CSMD3: variants seen among roughly 807,000 people sequenced by gnomAD.
The protein encoded by CSMD3 is CUB and sushi domain-containing protein 3.
In CSMD3, 177 loss-of-function variants were observed where a neutral mutation model predicts 435.2. That is an observed-to-expected ratio of 0.41 (90% CI 0.36 to 0.46). CSMD3 has a LOEUF of 0.46. Among genes scored for constraint, CSMD3 ranks in the 20% least tolerant of loss-of-function variants. The pLI, the probability that CSMD3 is intolerant of heterozygous loss-of-function variation, is 0.34. For synonymous variants in CSMD3, 1,656 were observed against 1,520.5 expected (o/e 1.09, Z -2.07); for missense variants, 4,265 against 4,504.6 (o/e 0.95, Z 1.52).
chr8:112,533,089 C>G (rs909645736), intron 27 of CSMD3, among the ~76,000 whole-genome samples: 1 of 151,756 alleles, frequency 6.6e-6, no homozygotes, highest in African/African-American at 2.4e-5. Flanking sequence ...GTAAGCCATA[C>G]AGTAATCACA....
chr8:112,979,241 T>C (rs2084959770), intron 6 of CSMD3, among the ~76,000 whole-genome samples: 1 of 151,924 alleles, frequency 6.6e-6, no homozygotes, highest in South Asian at 2.1e-4. Flanking sequence ...ATGTCATGCT[T>C]ACAGAAAGTA....
At chr8:113,111,245 T>C (rs988779097) in intron 4 of CSMD3, among the ~76,000 whole-genome samples, 1 of 152,178 alleles carries the variant, frequency 6.6e-6, no homozygotes, top group Non-Finnish European at 1.5e-5. Context: ...TGATTATATA[T>C]ATATTTATGG....
At chr8:113,093,554 G>A (rs1370345531) in intron 5 of CSMD3, among the ~76,000 whole-genome samples, 1 of 152,054 alleles carries the variant, frequency 6.6e-6, no homozygotes, top group East Asian at 1.9e-4. Context: ...GAGAAATGAT[G>A]GGTAAGCTAG....
At chr8:113,187,919 G>T (rs756253886) in intron 3 of CSMD3, among the ~76,000 whole-genome samples, 1 of 151,832 alleles carries the variant, frequency 6.6e-6, no homozygotes, top group Admixed American at 6.6e-5. Context: ...CTCTATTTCT[G>T]TCAAATATTC....
rs113240412 is a variant in CSMD3, at chr8:113,239,498, TTATCTATCTATCTATC to T, written c.514+39078_514+39093del. On this transcript the variant is annotated intron_variant, in intron 3 of 70. Transcript: ENST00000297405. ...TAAATTATATATGCAGTATGTAGTT[TTATCTATCTATCTATC>T]TATCTATCTATCTATCTATCATCTA... is the stretch of plus-strand genomic sequence containing the variant. Among the ~76,000 whole-genome samples the T allele has an allele frequency of 2.9e-3, 427 of 149,116 alleles. 1 individual carries two copies. The highest frequency in any genetic ancestry group is 4.7e-3 in the Non-Finnish European group (317 of 67,586).
At chr8:112,621,540 C>G (rs1433712113) in intron 22 of CSMD3, among the ~76,000 whole-genome samples, 4 of 152,112 alleles carry the variant, frequency 2.6e-5, no homozygotes, top group Non-Finnish European at 5.9e-5. Context: ...CTGCCTTTAT[C>G]AAGGTCACCA....
Position 112,306,156 on chromosome 8 carries a change from CCAT to C in CSMD3, c.7919_7921del (p.Asn2640_Gly2641delinsArg), listed in dbSNP as rs1255222223. ...CAAATAGTCTGTTGTTAGTATTCCT[CCAT>C]TTGTTGGAGCTTTAGGAATCCCACA... On this transcript the variant is annotated inframe_deletion, in exon 51 of 71. Transcript: ENST00000297405. The C allele has an allele frequency of 6.2e-7, 1 of 1,613,572 alleles. No homozygotes were observed. The highest frequency in any genetic ancestry group is 2.2e-5 in the East Asian group (1 of 44,822).
At chr8:112,426,607 C>T (rs1464121566) in intron 32 of CSMD3, among the ~76,000 whole-genome samples, 9 of 152,156 alleles carry the variant, frequency 5.9e-5, no homozygotes, top group Non-Finnish European at 1.3e-4. Context: ...GAAGACTCAG[C>T]TCTGGTGAGC....
At chr8:113,296,554 A>G (rs935324235) in intron 2 of CSMD3, among the ~76,000 whole-genome samples, 7 of 152,002 alleles carry the variant, frequency 4.6e-5, no homozygotes, top group Non-Finnish European at 1.0e-4. Context: ...AACAAACAAA[A>G]CAGAAAGAGA....
chr8:113,359,716 CTTAACA>C (rs1443072651), intron 1 of CSMD3, among the ~76,000 whole-genome samples: 1 of 152,126 alleles, frequency 6.6e-6, no homozygotes, highest in African/African-American at 2.4e-5. Flanking sequence ...AATTATTTGC[CTTAACA>C]TTAAAAGTTT....
chr8:112,284,789 A>G (rs1181802740), intron 58 of CSMD3, among the ~76,000 whole-genome samples: 1 of 151,978 alleles, frequency 6.6e-6, no homozygotes, highest in Non-Finnish European at 1.5e-5. Flanking sequence ...AATATTTATC[A>G]TTCTATTCAT....
rs181287778 is a variant in CSMD3, at chr8:112,714,363, T to C, written c.1973-24313A>G. 1.4e-3 allele frequency among the ~76,000 whole-genome samples: 212 copies of C among 152,084 alleles called. 1 individual carries two copies. The Middle Eastern group carries it at 0.027, about 20-fold the overall frequency. On this transcript the variant is annotated intron_variant, in intron 13 of 70. Coordinates refer to ENST00000297405, the MANE Select transcript of CSMD3 (RefSeq NM_198123.2). The stretch of plus-strand genomic sequence containing the variant: ...CATAATGGTAAAGGGATCAATTCAA[T>C]ATGAAGAGCTAACTATTCTAGATAT...
intron 7 of CSMD3, among the ~76,000 whole-genome samples, chr8:112,970,804 C>T (rs967805685): frequency 6.6e-6 from 1 of 151,620 alleles, no homozygotes; most frequent in African/African-American, 2.4e-5. Context: ...TCACTGCAAG[C>T]TCTGCCTCCT....
chr8:112,934,986 A>G (rs2083235499), intron 9 of CSMD3, among the ~76,000 whole-genome samples: 1 of 151,994 alleles, frequency 6.6e-6, no homozygotes, highest in Non-Finnish European at 1.5e-5. Context: ...GCCCAGACCA[A>G]TGTCAGGAAG....
At position 112,380,505 on chromosome 8, in the gene CSMD3, A is replaced by G. The variant is rs1448869263; in HGVS notation, c.6032-49T>C. On this transcript the variant is annotated intron_variant, in intron 37 of 70. Coordinates refer to ENST00000297405, the MANE Select transcript of CSMD3 (RefSeq NM_198123.2). ...AGACAATGACCACATAATAAGTACT[A>G]TAATAAAATTAAGTAAGTTTACTAA... 5 of 930,606 alleles carry G rather than the reference A, an allele frequency of 5.4e-6. No homozygotes were observed. The Admixed American group carries it at 8.5e-5, about 16-fold the overall frequency. The allele number at this position is 930,606 out of a possible 1,614,324, so 57.6% of individuals were successfully genotyped here. A position where few individuals can be genotyped will look rare whatever the true frequency, so the allele number is the denominator to read the frequency against.
intron 13 of CSMD3, among the ~76,000 whole-genome samples, chr8:112,728,167 G>A (rs116483032): frequency 1.5e-3 from 231 of 151,922 alleles, no homozygotes; most frequent in African/African-American, 5.3e-3. Flanking sequence ...CCTTCATTAA[G>A]ATTAGATAAA....
intron 59 of CSMD3, among the ~76,000 whole-genome samples, chr8:112,276,655 T>A (rs990685595): frequency 1.3e-5 from 2 of 151,750 alleles, no homozygotes; most frequent in African/African-American, 4.8e-5. Context: ...GCTAAAGGGG[T>A]CAAGGTACAG....
chr8:113,276,444 G>A (rs2093571101), intron 3 of CSMD3, among the ~76,000 whole-genome samples: 1 of 152,054 alleles, frequency 6.6e-6, no homozygotes, highest in Admixed American at 6.6e-5. Context: ...TAAGGTATGA[G>A]GCCTCTACGT....
chr8:112,575,016 T>C (rs1829829714), intron 23 of CSMD3, among the ~76,000 whole-genome samples: 1 of 152,000 alleles, frequency 6.6e-6, no homozygotes, highest in Non-Finnish European at 1.5e-5. Flanking sequence ...ATTATTATTA[T>C]ATTAATCTGA....
Sources: allele counts gnomAD v4.1 joint callset (sites outside exome capture counted in the v4.1 genomes callset), GRCh38; gene constraint gnomAD v4.1.1; transcripts MANE v1.5; gene names NCBI Gene and HGNC (gene_info 2026-07-23, HGNC 2026-07-21).